Variants in MTX2 observed in about 807,000 individuals in gnomAD.
MTX2 encodes metaxin 2.
MTX2 carries 35 observed loss-of-function variants against 42.3 expected under a neutral mutation model. That is an observed-to-expected ratio of 0.83 (90% CI 0.63 to 1.10). The LOEUF (loss-of-function observed/expected upper bound fraction) is 1.10. Among genes scored for constraint, MTX2 ranks in the 50% least tolerant of loss-of-function variants. The pLI is 0.00. For missense variants in MTX2, 307 were observed against 304.1 expected, an observed-to-expected ratio of 1.01 and a Z score of -0.07; for synonymous variants, 119 against 100.9, an observed-to-expected ratio of 1.18 and a Z score of -1.08.
At chr2:176,287,365 A>G (rs978033268) in intron 1 of MTX2, among the ~76,000 whole-genome samples, 1 of 152,210 alleles carries the variant, frequency 6.6e-6, no homozygotes, top group Non-Finnish European at 1.5e-5. Context: ...GAGTATCCCC[A>G]ATTTGAAAGT....
intron 1 of MTX2, among the ~76,000 whole-genome samples, chr2:176,277,591 C>T (rs1002069294): frequency 3.9e-5 from 6 of 151,920 alleles, no homozygotes; most frequent in African/African-American, 7.3e-5. Flanking sequence ...TAGTAGAGAC[C>T]GGGTTTCTCC....
intron 1 of MTX2, among the ~76,000 whole-genome samples, chr2:176,272,133 A>G (rs1692829280): frequency 6.6e-6 from 1 of 152,224 alleles, no homozygotes; most frequent in East Asian, 1.9e-4. Flanking sequence ...GCTAAATGAA[A>G]TAAGCTAGAC....
chr2:176,275,669 T>C (rs947211670), intron 1 of MTX2, among the ~76,000 whole-genome samples: 4 of 152,356 alleles, frequency 2.6e-5, no homozygotes, highest in Admixed American at 6.5e-5. Flanking sequence ...CATTTTGTTT[T>C]TTTAATTTTG....
chr2:176,325,986 A>G (rs1230982398), intron 4 of MTX2, among the ~76,000 whole-genome samples: 3 of 107,830 alleles, frequency 2.8e-5, no homozygotes, highest in Non-Finnish European at 4.3e-5. Flanking sequence ...GAGTGAATCT[A>G]TTGAAAAGGA....
At chr2:176,298,403 A>C (rs1174350389) in intron 3 of MTX2, among the ~76,000 whole-genome samples, 1 of 152,080 alleles carries the variant, frequency 6.6e-6, no homozygotes, top group African/African-American at 2.4e-5. Context: ...ATGAGTGTTT[A>C]TTATCCCCAA....
At chr2:176,276,652 A>G (rs746531133) in intron 1 of MTX2, among the ~76,000 whole-genome samples, 10 of 152,036 alleles carry the variant, frequency 6.6e-5, no homozygotes, top group South Asian at 4.1e-4. Flanking sequence ...GTTAGTTTCT[A>G]TTGTTACTTT....
chr2:176,327,258 G>A (rs1461423640), intron 5 of MTX2, among the ~76,000 whole-genome samples: 2 of 151,066 alleles, frequency 1.3e-5, no homozygotes, highest in Non-Finnish European at 3.0e-5. Context: ...TTTGAAAAGG[G>A]AGATACAGGA....
Position 176,329,432 on chromosome 2 carries a change from T to G in MTX2, c.543+6T>G. 6.2e-7 allele frequency: 1 copy of G among 1,601,406 alleles called. No homozygotes were observed. The highest frequency in any genetic ancestry group is 1.1e-5 in the South Asian group (1 of 89,402). ...GAAAGAAGACTCTGGACCAGGTCAG[T>G]TCAGGTTGAAGTTGACAAAACCCTC... On this transcript the variant is annotated splice_donor_region_variant and intron_variant, in intron 8 of 9. Transcript: ENST00000249442.
At chr2:176,271,859 A>G (rs1171249273) in intron 1 of MTX2, among the ~76,000 whole-genome samples, 1 of 152,206 alleles carries the variant, frequency 6.6e-6, no homozygotes, top group Admixed American at 6.5e-5. Flanking sequence ...TTTTAAATAT[A>G]TGTCAAATTA....
intron 3 of MTX2, among the ~76,000 whole-genome samples, chr2:176,300,598 C>A (rs1406020923): frequency 6.6e-6 from 1 of 151,960 alleles, no homozygotes; most frequent in Non-Finnish European, 1.5e-5. Flanking sequence ...TGAGCAAATA[C>A]ATATATGCTC....
chr2:176,279,979 A>G (rs1693039942), intron 1 of MTX2, among the ~76,000 whole-genome samples: 1 of 152,206 alleles, frequency 6.6e-6, no homozygotes. Context: ...GTAAATGACT[A>G]TTGGTTTGAC....
At chr2:176,306,629 T>G (rs538444398) in intron 3 of MTX2, among the ~76,000 whole-genome samples, 2 of 152,274 alleles carry the variant, frequency 1.3e-5, no homozygotes, top group African/African-American at 4.8e-5. Flanking sequence ...ATATCTCATT[T>G]TGGTTTTGAT....
rs1429790117 is a variant in MTX2, at chr2:176,337,722, C to T, written c.*58C>T. 1 of 1,432,542 alleles carries T rather than the reference C, an allele frequency of 7.0e-7. No homozygotes were observed. The highest frequency in any genetic ancestry group is 9.3e-7 in the Non-Finnish European group (1 of 1,071,732). The allele number at this position is 1,432,542 out of a possible 1,614,324, so 88.7% of individuals were successfully genotyped here. On this transcript the variant is annotated 3_prime_UTR_variant, in exon 10 of 10. Transcript: ENST00000249442. The stretch of plus-strand genomic sequence containing the variant: ...TGAAATATGTTTTACTTGAATGTTA[C>T]ATTAGATATTGGTGTCAGAATTTTA...
chr2:176,320,175 G>T (rs562504661), intron 3 of MTX2, among the ~76,000 whole-genome samples: 85 of 152,094 alleles, frequency 5.6e-4, no homozygotes, highest in Middle Eastern at 3.4e-3. Context: ...TGGGTTTTGG[G>T]AGTTGAAGGT....
At chr2:176,336,554 T>C (rs1425431184) in intron 9 of MTX2, among the ~76,000 whole-genome samples, 1 of 152,180 alleles carries the variant, frequency 6.6e-6, no homozygotes, top group Admixed American at 6.6e-5. Flanking sequence ...TTATGTTTCA[T>C]GTACATGTCT....
chr2:176,324,917 G>A (rs1288307275), intron 4 of MTX2, among the ~76,000 whole-genome samples: 1 of 151,630 alleles, frequency 6.6e-6, no homozygotes, highest in Non-Finnish European at 1.5e-5. Flanking sequence ...ATAGGGAAAT[G>A]TTTTTTATTG....
chr2:176,295,902 A>G (rs1683861166), intron 1 of MTX2, among the ~76,000 whole-genome samples: 1 of 152,194 alleles, frequency 6.6e-6, no homozygotes. Flanking sequence ...GAAATATATC[A>G]ATTATTATCA....
chr2:176,333,655 G>A (rs897796968), intron 9 of MTX2, among the ~76,000 whole-genome samples: 2 of 151,614 alleles, frequency 1.3e-5, no homozygotes, highest in African/African-American at 4.8e-5. Flanking sequence ...TGCCCTGTAT[G>A]GCAACCTTTC....
chr2:176,269,488 G>A lies in MTX2; in HGVS notation c.-142G>A, dbSNP rs906230164. ...TAACCTTGGGGGCCTCACTGCAGCC[G>A]CCGCTGCTGTTGGAGTGGGCTTTGC... is the stretch of plus-strand genomic sequence containing the variant. On this transcript the variant is annotated 5_prime_UTR_variant, in exon 1 of 10. Transcript: ENST00000249442. 6 of 932,558 alleles carry A rather than the reference G, an allele frequency of 6.4e-6. 1 individual carries two copies. The highest frequency in any genetic ancestry group is 6.1e-6 in the Non-Finnish European group (4 of 659,512). The allele number at this position is 932,558 out of a possible 1,614,324, so 57.8% of individuals were successfully genotyped here.
Sources: allele counts gnomAD v4.1 joint callset (sites outside exome capture counted in the v4.1 genomes callset), GRCh38; gene constraint gnomAD v4.1.1; transcripts MANE v1.5; gene names NCBI Gene and HGNC (gene_info 2026-07-23, HGNC 2026-07-21).